SPTB: variants seen among roughly 807,000 people sequenced by gnomAD.
SPTB encodes the protein spectrin beta chain, erythrocytic.
SPTB carries 45 observed loss-of-function variants against 256.2 expected under a neutral mutation model. The observed-to-expected ratio is 0.18, with a 90% CI of 0.14 to 0.23. The LOEUF is 0.23. SPTB is among the 10% of genes least tolerant of loss of function. The pLI is 1.00. For missense variants in SPTB, 2,715 were observed against 3,040.4 expected, an observed-to-expected ratio of 0.89 and a Z score of 2.52; for synonymous variants, 1,231 against 1,243.1, an observed-to-expected ratio of 0.99 and a Z score of 0.21.
rs1450863876 is a variant in SPTB, at chr14:64,779,902, T to C, written c.4296A>G (p.Lys1432=). The part of the protein sequence containing the change: ...KRVEDQVNVR[K]EELGELFAQV... ...GGGCAAACAGCTCCCCCAGCTCCTCTTTTCGCACATTCACTTGGTCCTCCA... is the reference window on the plus strand; with the variant it reads ...GGGCAAACAGCTCCCCCAGCTCCTCCTTTCGCACATTCACTTGGTCCTCCA... Residue 1432 remains lysine, a synonymous_variant, in exon 21 of 36, where the codon AAA becomes AAG. Coordinates refer to ENST00000644917, the MANE Select transcript of SPTB (RefSeq NM_001355436.2). The surrounding 1 kb of genome is among the most constrained non-coding windows in gnomAD (Gnocchi z 4.2). The C allele has an allele frequency of 6.2e-7, 1 of 1,613,914 alleles. No homozygotes were observed. The highest frequency in any genetic ancestry group is 1.3e-5 in the African/African-American group (1 of 75,034).
Position 64,777,590 on chromosome 14 carries a change from C to T in SPTB, c.4563+1567G>A, listed in dbSNP as rs1031296411. Among the ~76,000 whole-genome samples, 6 of 152,158 alleles carry T rather than the reference C, an allele frequency of 3.9e-5. No homozygotes were observed. The highest frequency in any genetic ancestry group is 1.4e-4 in the African/African-American group (6 of 41,416). On this transcript the variant is annotated intron_variant, in intron 22 of 35. Coordinates refer to ENST00000644917, the MANE Select transcript of SPTB (RefSeq NM_001355436.2). The surrounding 1 kb of genome is among the most constrained non-coding windows in gnomAD (Gnocchi z 4.5). Reference sequence around the variant, plus strand: ...AGTCCTGAACCAGCAGCATCGGCATCACCTAGGATCTTGTTGGAAATGCAA... The same window carrying T: ...AGTCCTGAACCAGCAGCATCGGCATTACCTAGGATCTTGTTGGAAATGCAA...
chr14:64,865,945 C>T (rs1566810460), intron 1 of SPTB, among the ~76,000 whole-genome samples: 1 of 152,184 alleles, frequency 6.6e-6, no homozygotes, highest in Non-Finnish European at 1.5e-5. Context: ...CCAACAGTTC[C>T]AGAAAGCGGT....
In SPTB at chr14:64,749,752, A is replaced by AGAGGGCTGGCTCT; in HGVS notation, c.6777-69_6777-57dup. 6.3e-7 allele frequency: 1 copy of AGAGGGCTGGCTCT among 1,597,560 alleles called. No individual in the cohort carries two copies. Among genetic ancestry groups the AGAGGGCTGGCTCT allele is most frequent in the South Asian group, 1.1e-5 (1 of 89,378 alleles). On this transcript the variant is annotated intron_variant, in intron 34 of 35. Transcript: ENST00000644917. This position sits in a 1 kb window ranked among gnomAD's most constrained non-coding sequence, Gnocchi z 4.7. ...GACACCTCTGGAGGGGGCGCTGGGC[A>AGAGGGCTGGCTCT]GAGGGCTGGCTCTGATCCCACAATA...
At chr14:64,822,864 C>A (rs1041892146) in intron 2 of SPTB, 83 bp downstream of exon 2, 8 of 1,587,628 alleles carry the variant, frequency 5.0e-6, no homozygotes, top group Admixed American at 5.0e-5. Context: ...CCAACACACA[C>A]AGAGGATTCA....
chr14:64,779,074 AG>A lies in SPTB; in HGVS notation c.4563+82del. 1.0e-6 allele frequency: 1 copy of A among 974,534 alleles called. No homozygotes were observed. Among genetic ancestry groups the A allele is most frequent in the Non-Finnish European group, 1.6e-6 (1 of 642,072 alleles). 60.4% of individuals were successfully genotyped at this position (974,534 alleles called of 1,614,324 possible). A position where few individuals can be genotyped will look rare whatever the true frequency, so the allele number is the denominator to read the frequency against. On this transcript the variant is annotated intron_variant, in intron 22 of 35. Transcript: ENST00000644917. The surrounding 1 kb of genome is among the most constrained non-coding windows in gnomAD (Gnocchi z 4.2). ...TAATCTGCTGTTGCTAGCCTTCTGC[AG>A]GTCAGGGCTGGGCCTACCCCCGTGG...
intron 1 of SPTB, among the ~76,000 whole-genome samples, chr14:64,861,727 T>C (rs898996937): frequency 1.3e-5 from 2 of 152,230 alleles, no homozygotes; most frequent in African/African-American, 2.4e-5. Flanking sequence ...CTTCTGCTCC[T>C]CGCCACGGCT....
At position 64,793,263 on chromosome 14, in the gene SPTB, C is replaced by T; in HGVS notation, c.2400G>A (p.Glu800=). The T allele has an allele frequency of 6.2e-7, 1 of 1,607,322 alleles. No homozygotes were observed. Among genetic ancestry groups the T allele is most frequent in the Non-Finnish European group, 8.5e-7 (1 of 1,179,990 alleles). Residue 800 remains glutamate (E), a synonymous_variant, in exon 14 of 36, where the codon GAG becomes GAA. Transcript: ENST00000644917. This position sits in a 1 kb window ranked among gnomAD's most constrained non-coding sequence, Gnocchi z 7.0. ...ATCCCTGGGCCTGCTGCTCCAGGTG[C>T]TCCATCACCCCACGGCTCTCCTCCA... The part of the protein sequence containing the change: ...EELEESRGVM[E]HLEQQAQGFP...
At chr14:64,765,268 G>A (rs2082152122) in intron 32 of SPTB, among the ~76,000 whole-genome samples, 1 of 152,124 alleles carries the variant, frequency 6.6e-6, no homozygotes, top group Non-Finnish European at 1.5e-5. Context: ...AGGATCTGTG[G>A]CTCCCTTGGC....
In SPTB at chr14:64,820,686, C is replaced by G. The variant is rs1184626292; in HGVS notation, c.148+2261G>C. Among the ~76,000 whole-genome samples the G allele has an allele frequency of 2.6e-5, 4 of 152,250 alleles. No homozygotes were observed. In the East Asian group the frequency reaches 5.8e-4, roughly 22 times the overall value. ...TTCCTGATCAACCTAGGACTGACCA[C>G]TAAACACAGAGTCTTGCTCTGTCAC... On this transcript the variant is annotated intron_variant, in intron 2 of 35. Transcript: ENST00000644917.
At position 64,796,941 on chromosome 14, in the gene SPTB, C is replaced by T. The variant is rs1429127363; in HGVS notation, c.1183-226G>A. Among the ~76,000 whole-genome samples the T allele has an allele frequency of 6.6e-6, 1 of 152,100 alleles. No individual in the cohort carries two copies. The highest frequency in any genetic ancestry group is 1.5e-5 in the Non-Finnish European group (1 of 68,014). On this transcript the variant is annotated intron_variant, in intron 10 of 35. Coordinates refer to ENST00000644917, the MANE Select transcript of SPTB (RefSeq NM_001355436.2). This position sits in a 1 kb window ranked among gnomAD's most constrained non-coding sequence, Gnocchi z 4.1. Reference sequence around the variant, plus strand: ...GCTCATGAGTCTCACTTCCCTCTTCCCCTAAACCTGCCTCAGACTCTTGGC... The same window carrying T: ...GCTCATGAGTCTCACTTCCCTCTTCTCCTAAACCTGCCTCAGACTCTTGGC...
At chr14:64,801,579 G>C (rs1225089005) in intron 6 of SPTB, among the ~76,000 whole-genome samples, 175 bp downstream of exon 6, 1 of 152,088 alleles carries the variant, frequency 6.6e-6, no homozygotes, top group Non-Finnish European at 1.5e-5. Context: ...TGAGGGAAGT[G>C]GGCGGCAGGC....
Position 64,747,211 on chromosome 14 carries a change from TGG to T in SPTB, c.*2093_*2094del, listed in dbSNP as rs941716643. ...TTTGGCACACGTGGAAGGGGGAGGGTGGGCCCTTGTCCCTAGGCTCCCTAAAG... is the reference window on the plus strand; with the variant it reads ...TTTGGCACACGTGGAAGGGGGAGGGTGCCCTTGTCCCTAGGCTCCCTAAAG... On this transcript the variant is annotated 3_prime_UTR_variant, in exon 36 of 36. Transcript: ENST00000644917. 10 of 152,438 alleles carry T rather than the reference TGG, an allele frequency of 6.6e-5. No individual in the cohort carries two copies. Among genetic ancestry groups the T allele is most frequent in the African/African-American group, 2.2e-4 (9 of 41,514 alleles). 9.4% of individuals were successfully genotyped at this position (152,438 alleles called of 1,614,324 possible). A position where few individuals can be genotyped will look rare whatever the true frequency, so the allele number is the denominator to read the frequency against.
intron 32 of SPTB, chr14:64,754,049 C>T (rs2081989066): frequency 1.3e-5 from 8 of 597,222 alleles, no homozygotes; most frequent in South Asian, 1.2e-4. Context: ...GGCCCCCTCT[C>T]TCCAATGTAA....
chr14:64,791,674 T>A, intron 15 of SPTB, 45 bp downstream of exon 15: 3 of 1,611,126 alleles, frequency 1.9e-6, no homozygotes, highest in Non-Finnish European at 2.5e-6. Context: ...GTGTGTCAGA[T>A]GTTGAGAGAC....
At chr14:64,773,775 C>A (rs1444031759) in intron 24 of SPTB, among the ~76,000 whole-genome samples, 9 of 152,196 alleles carry the variant, frequency 5.9e-5, no homozygotes, top group Non-Finnish European at 8.8e-5. Context: ...CCCGCAGCAA[C>A]AGCTCTGCTC....
At chr14:64,861,116 G>T (rs569553538) in intron 1 of SPTB, among the ~76,000 whole-genome samples, 3 of 151,990 alleles carry the variant, frequency 2.0e-5, no homozygotes, top group African/African-American at 2.4e-5. Flanking sequence ...ACCAAACACC[G>T]CATGTTCTCA....
chr14:64,870,315 G>GA (rs77290442), intron 1 of SPTB, among the ~76,000 whole-genome samples: 60 of 144,560 alleles, frequency 4.2e-4, no homozygotes, highest in South Asian at 2.6e-3. Flanking sequence ...AAAAAGCCCT[G>GA]AAAAAAAAAA....
intron 15 of SPTB, among the ~76,000 whole-genome samples, chr14:64,788,287 C>T (rs2139574205): frequency 6.6e-6 from 1 of 152,292 alleles, no homozygotes; most frequent in South Asian, 2.1e-4. Flanking sequence ...TCTCATTCAT[C>T]TTTGTACCCT....
rs1440553503 is a variant in SPTB at position 64,778,080 on chromosome 14, G to A, written c.4563+1077C>T. ...CTTCCACCTTTAGCTGAAGGTTGTG[G>A]CATTAACTGAGGCTAGATTTCTATC... On this transcript the variant is annotated intron_variant, in intron 22 of 35. Coordinates refer to ENST00000644917, the MANE Select transcript of SPTB (RefSeq NM_001355436.2). This position sits in a 1 kb window ranked among gnomAD's most constrained non-coding sequence, Gnocchi z 5.2. 2.0e-5 allele frequency among the ~76,000 whole-genome samples: 3 copies of A among 152,302 alleles called. No homozygotes were observed. In the East Asian group the frequency reaches 5.8e-4, roughly 29 times the overall value.
Sources: allele counts gnomAD v4.1 joint callset (sites outside exome capture counted in the v4.1 genomes callset), GRCh38; gene constraint gnomAD v4.1.1; non-coding constraint Gnocchi (gnomAD v3.1); transcripts MANE v1.5; gene names NCBI Gene and HGNC (gene_info 2026-07-23, HGNC 2026-07-21).